PSMG2: variants seen among roughly 807,000 people sequenced by gnomAD.
PSMG2 encodes CD40 ligand-activated specific transcript 3.
In PSMG2, 21 loss-of-function variants were observed where a neutral mutation model predicts 31.5. That is an observed-to-expected ratio of 0.67 (90% CI 0.47 to 0.96). The LOEUF (loss-of-function observed/expected upper bound fraction) is 0.96. PSMG2 is among the 40% of genes least tolerant of loss of function. PSMG2 has a pLI of 0.00. For synonymous variants in PSMG2, 120 were observed against 110.4 expected (o/e 1.09, Z -0.54); for missense variants, 318 against 321.2 (o/e 0.99, Z 0.08).
intron 6 of PSMG2, 77 bp downstream of exon 6, chr18:12,724,696 A>ATACT: frequency 7.7e-7 from 1 of 1,295,278 alleles, no homozygotes; most frequent in South Asian, 2.2e-5. Flanking sequence ...CTACCTAAGT[A>ATACT]GACCAAGTAA....
intron 1 of PSMG2, among the ~76,000 whole-genome samples, chr18:12,674,362 G>A (rs1327379923): frequency 6.6e-6 from 1 of 151,478 alleles, no homozygotes; most frequent in African/African-American, 2.4e-5. Flanking sequence ...GGGTCACTTG[G>A]GCCCAGGAGG....
rs765292383 is a variant in PSMG2 at position 12,703,083 on chromosome 18, C to T, written c.-25C>T. The T allele has an allele frequency of 2.5e-6, 4 of 1,609,650 alleles. No homozygotes were observed. Among genetic ancestry groups the T allele is most frequent in the Non-Finnish European group, 3.4e-6 (4 of 1,178,474 alleles). The stretch of plus-strand genomic sequence containing the variant: ...CGTTCTTGCCAGGGCCGCGGTTAGT[C>T]CCTGCTGGCCACCCCACTGCGACCA... On this transcript the variant is annotated 5_prime_UTR_variant, in exon 1 of 7. Coordinates refer to ENST00000317615, the MANE Select transcript of PSMG2 (RefSeq NM_020232.5).
intron 4 of PSMG2, among the ~76,000 whole-genome samples, chr18:12,719,283 C>G (rs1267306400): frequency 6.6e-6 from 1 of 152,164 alleles, no homozygotes. Flanking sequence ...AGAGTGAGTT[C>G]TTAAATGTAA....
intron 3 of PSMG2, among the ~76,000 whole-genome samples, chr18:12,716,353 A>G (rs1281533619): frequency 6.7e-6 from 1 of 149,278 alleles, no homozygotes; most frequent in African/African-American, 2.5e-5. Flanking sequence ...TATTTAACGT[A>G]TAATATAAAT....
rs1441183933 is a variant in PSMG2, at chr18:12,705,574, AGAGT to A, written c.58-974_58-971del. Among the ~76,000 whole-genome samples, 1,344 of 135,694 alleles carry A rather than the reference AGAGT, an allele frequency of 9.9e-3. 4 individuals are homozygous for A. Among genetic ancestry groups the A allele is most frequent in the African/African-American group, 0.015 (536 of 35,762 alleles). The allele number at this position is 135,694 out of a possible 152,430, so 89.0% of individuals were successfully genotyped here. ...GAGAGAGAGAGAGAGAGAGAGAGAGAGAGTGTGTGTGTGTGTGTGTGTGTGTGTG... is the reference window on the plus strand; with the variant it reads ...GAGAGAGAGAGAGAGAGAGAGAGAGAGTGTGTGTGTGTGTGTGTGTGTGTG... On this transcript the variant is annotated intron_variant, in intron 1 of 6. Transcript: ENST00000317615.
intron 6 of PSMG2, 56 bp downstream of exon 6, chr18:12,724,675 C>T: frequency 2.7e-6 from 4 of 1,483,346 alleles, no homozygotes; most frequent in Non-Finnish European, 3.6e-6. Flanking sequence ...CATTAACTCG[C>T]ACTTTATATA....
upstream of PSMG2, chr18:12,702,428 C>A: frequency 1.5e-6 from 2 of 1,352,096 alleles, no homozygotes; most frequent in African/African-American, 1.5e-5. Flanking sequence ...GGCCGCCGGG[C>A]AGGAGGGAAA....
Position 12,712,670 on chromosome 18 carries a change from CAT to C in PSMG2, c.230-29_230-28del, listed in dbSNP as rs748119087. The C allele has an allele frequency of 2.1e-5, 32 of 1,491,986 alleles. No homozygotes were observed. In the Admixed American group the frequency reaches 3.5e-4, roughly 16 times the overall value. 92.4% of individuals were successfully genotyped at this position (1,491,986 alleles called of 1,614,324 possible). ...ATTTCAACTTGTATAACTTCACTGT[CAT>C]ATGATTTCATTTTCTTCTTGTTTTT... On this transcript the variant is annotated intron_variant, in intron 2 of 6. Coordinates refer to ENST00000317615, the MANE Select transcript of PSMG2 (RefSeq NM_020232.5).
At chr18:12,674,182 A>T (rs1428492823) in intron 1 of PSMG2, among the ~76,000 whole-genome samples, 2 of 152,074 alleles carry the variant, frequency 1.3e-5, no homozygotes, top group Non-Finnish European at 2.9e-5. Context: ...CACACCTGTA[A>T]TCCCAGCAAT....
rs758560703 is a variant in PSMG2, at chr18:12,673,384, T to C, written c.-37+14611T>C. ...TTGGCCCTATAATACCGAGCGATAT[T>C]TACAAGCAAACATGATCCAAACAGC... On this transcript the variant is annotated intron_variant, in intron 1 of 6. Transcript: ENST00000585331. 34 of 1,605,692 alleles carry C rather than the reference T, an allele frequency of 2.1e-5. No homozygotes were observed. The highest frequency in any genetic ancestry group is 2.3e-5 in the Non-Finnish European group (27 of 1,177,392).
chr18:12,689,783 T>C (rs565319625), intron 1 of PSMG2, among the ~76,000 whole-genome samples: 1 of 152,168 alleles, frequency 6.6e-6, no homozygotes, highest in Admixed American at 6.6e-5. Context: ...TATATATGTA[T>C]ATTTTTTGTC....
upstream of PSMG2, chr18:12,702,636 G>C (rs187355773): frequency 7.0e-7 from 1 of 1,432,244 alleles, no homozygotes; most frequent in South Asian, 1.3e-5. Context: ...CGTTAGGAGC[G>C]ACTGGAGCAC....
At chr18:12,660,560 G>A (rs2038676188) in intron 1 of PSMG2, among the ~76,000 whole-genome samples, 1 of 151,898 alleles carries the variant, frequency 6.6e-6, no homozygotes, top group Admixed American at 6.6e-5. Flanking sequence ...GACTTCAGTG[G>A]TCCACCCGCC....
At chr18:12,705,315 C>T (rs762269038) in intron 1 of PSMG2, among the ~76,000 whole-genome samples, 5 of 152,070 alleles carry the variant, frequency 3.3e-5, no homozygotes, top group African/African-American at 4.8e-5. Flanking sequence ...CCACCTGCCT[C>T]GGCCTCCCAA....
intron 1 of PSMG2, chr18:12,661,379 A>G: frequency 1.0e-6 from 1 of 984,304 alleles, no homozygotes; most frequent in Non-Finnish European, 1.2e-6. Flanking sequence ...GTGACTGCTG[A>G]CCACTCAAAG....
rs573932152 is a variant in PSMG2 at position 12,672,934 on chromosome 18, G to A, written c.-37+14161G>A. On this transcript the variant is annotated intron_variant, in intron 1 of 6. Coordinates refer to the PSMG2 transcript ENST00000585331. ...AATGCAATAAATAAATCTGTCATGA[G>A]GTTAATTTCTCCTAATCTGTATAAA... The A allele has an allele frequency of 5.8e-5, 57 of 982,934 alleles. No homozygotes were observed. The South Asian group carries it at 1.1e-3, about 19-fold the overall frequency. The allele number at this position is 982,934 out of a possible 1,614,324, so 60.9% of individuals were successfully genotyped here.
upstream of PSMG2, chr18:12,702,881 C>T: frequency 3.5e-6 from 2 of 577,940 alleles, no homozygotes; most frequent in Non-Finnish European, 5.9e-6. Flanking sequence ...GCCTTGCTTG[C>T]CAGGGTCTCC....
At chr18:12,686,120 G>GT in intron 1 of PSMG2, 1 of 519,500 alleles carries the variant, frequency 1.9e-6, no homozygotes, top group Non-Finnish European at 3.2e-6. Flanking sequence ...TCTGCAGTTG[G>GT]TTGAATCTAC....
rs149088582 is a variant in PSMG2, at chr18:12,669,512, G to A, written c.-37+10739G>A. Among the ~76,000 whole-genome samples the A allele has an allele frequency of 5.3e-3, 806 of 152,034 alleles. 10 individuals carry two copies. Among genetic ancestry groups the A allele is most frequent in the African/African-American group, 0.018 (760 of 41,448 alleles). On this transcript the variant is annotated intron_variant, in intron 1 of 6. Coordinates refer to the PSMG2 transcript ENST00000585331. ...TCATGCTTGACTAATGAAAAATGAA[G>A]TTTCTGGTTTCTGATATTTTTCTAT...
Sources: gnomAD v4.1 joint callset for allele counts (sites outside exome capture counted in the v4.1 genomes callset) on GRCh38, gnomAD v4.1.1 for gene constraint, MANE v1.5 for transcripts, NCBI Gene and HGNC (gene_info 2026-07-23, HGNC 2026-07-21) for gene names.